TJP1: variants seen among roughly 807,000 people sequenced by gnomAD.
The protein encoded by TJP1 is tight junction protein 1.
In TJP1, 43 loss-of-function variants were observed where a neutral mutation model predicts 194.2. The observed-to-expected ratio is 0.22, with a 90% confidence interval of 0.17 to 0.29. The LOEUF is 0.29. Among genes scored for constraint, TJP1 ranks in the 10% least tolerant of loss-of-function variants. The pLI, the probability that TJP1 is intolerant of heterozygous loss-of-function variation, is 1.00. For synonymous variants in TJP1, 801 were observed against 779.0 expected (o/e 1.03, Z -0.47); for missense variants, 1,971 against 2,185.7 (o/e 0.90, Z 1.96).
At chr15:29,843,174 CTTTTTTCTTTTCTTTTT>C (rs958716586) in intron 2 of TJP1, among the ~76,000 whole-genome samples, 13 of 142,904 alleles carry the variant, frequency 9.1e-5, no homozygotes, top group Non-Finnish European at 7.6e-5. Context: ...TGTTTTTTTT[CTTTTTTCTTTTCTTTTT>C]TTTTTTCTTT....
At chr15:29,903,503 GGA>G (rs2053699841) in intron 2 of TJP1, among the ~76,000 whole-genome samples, 2 of 151,952 alleles carry the variant, frequency 1.3e-5, no homozygotes, top group African/African-American at 4.8e-5. Flanking sequence ...GGAGTGCAGT[GGA>G]GTGATCTCGG....
At chr15:29,798,635 AT>A (rs376901797) in intron 2 of TJP1, among the ~76,000 whole-genome samples, 12 of 152,314 alleles carry the variant, frequency 7.9e-5, no homozygotes, top group African/African-American at 2.9e-4. Context: ...TAAAACTTAA[AT>A]AATTACCATG....
At chr15:29,938,732 A>T (rs987929419) in intron 2 of TJP1, among the ~76,000 whole-genome samples, 32 of 152,248 alleles carry the variant, frequency 2.1e-4, no homozygotes, top group Admixed American at 8.5e-4. Context: ...TTTAAATTGG[A>T]AAGATTATCC....
At chr15:29,728,542 C>G (rs1436021239) in intron 15 of TJP1, 1 of 154,088 alleles carries the variant, frequency 6.5e-6, no homozygotes, top group Non-Finnish European at 1.4e-5. Context: ...GAAGGGGAAC[C>G]TGGGGGCAGG....
At chr15:29,775,611 C>G (rs1414221212) in intron 2 of TJP1, among the ~76,000 whole-genome samples, 1 of 151,714 alleles carries the variant, frequency 6.6e-6, no homozygotes. Context: ...CCCCATGGCT[C>G]AGAGGGGACT....
At chr15:29,926,995 C>T (rs907309392) in intron 2 of TJP1, among the ~76,000 whole-genome samples, 1 of 152,084 alleles carries the variant, frequency 6.6e-6, no homozygotes, top group Admixed American at 6.6e-5. Context: ...AGAAGTTCTA[C>T]AATGAGTACA....
At chr15:29,937,036 T>C (rs1390582590) in intron 2 of TJP1, among the ~76,000 whole-genome samples, 1 of 152,240 alleles carries the variant, frequency 6.6e-6, no homozygotes, top group Middle Eastern at 3.2e-3. Flanking sequence ...GGTGAAGTGT[T>C]ATAACCATAA....
chr15:29,808,328 G>T (rs45605535), intron 1 of TJP1, among the ~76,000 whole-genome samples: 1 of 152,156 alleles, frequency 6.6e-6, no homozygotes, highest in Non-Finnish European at 1.5e-5. Context: ...TTGGGACAGG[G>T]TTACCTTTGT....
At chr15:29,876,277 T>A (rs1456328185) in intron 2 of TJP1, among the ~76,000 whole-genome samples, 1 of 152,168 alleles carries the variant, frequency 6.6e-6, no homozygotes, top group Non-Finnish European at 1.5e-5. Context: ...CCCAGCACTT[T>A]GGGAGGCTGA....
Position 29,708,647 on chromosome 15 carries a change from T to C in TJP1, c.4762A>G (p.Ser1588Gly). ...TGGATAGAGAAAGTTTCAACTCCAC[T>C]GTCAAACTCAGGAGGCTGTGCCAAA... ...HSLAQPPEFD[S>G]GVETFSIHAE... is the part of the protein sequence containing the mutation. The change falls in exon 25 of 28, where the codon AGT (serine) becomes GGT (glycine). Residue 1588 changes from serine to glycine, a missense_variant. By Grantham distance (56) the Ser-to-Gly change is moderately conservative. Transcript: ENST00000614355. 1.2e-6 allele frequency: 2 copies of C among 1,614,224 alleles called. No homozygotes were observed. The highest frequency in any genetic ancestry group is 1.7e-6 in the Non-Finnish European group (2 of 1,180,034).
At chr15:29,786,705 T>G (rs1415627316) in intron 2 of TJP1, among the ~76,000 whole-genome samples, 1 of 152,190 alleles carries the variant, frequency 6.6e-6, no homozygotes, top group East Asian at 1.9e-4. Context: ...TCTCACTATG[T>G]TGCCTCCACT....
intron 2 of TJP1, among the ~76,000 whole-genome samples, chr15:29,941,730 T>C (rs1188851441): frequency 1.3e-5 from 2 of 152,178 alleles, no homozygotes; most frequent in African/African-American, 2.4e-5. Flanking sequence ...GCCTCCACCA[T>C]TGTACACGTA....
At chr15:29,873,024 T>C (rs762116192) in intron 2 of TJP1, among the ~76,000 whole-genome samples, 11 of 152,202 alleles carry the variant, frequency 7.2e-5, no homozygotes, top group African/African-American at 1.9e-4. Flanking sequence ...AAAGTCATTT[T>C]TGGATTCAAA....
intron 2 of TJP1, among the ~76,000 whole-genome samples, chr15:29,777,797 C>T (rs1038535792): frequency 1.3e-5 from 2 of 152,186 alleles, no homozygotes; most frequent in Non-Finnish European, 2.9e-5. Context: ...AAGTAACAAA[C>T]GCACAAGGTT....
chr15:29,917,682 A>G lies in TJP1; in HGVS notation c.306+38550T>C, dbSNP rs140654700. Among the ~76,000 whole-genome samples, 3 of 152,240 alleles carry G rather than the reference A, an allele frequency of 2.0e-5. No individual in the cohort carries two copies. In the East Asian group the frequency reaches 5.8e-4, roughly 29 times the overall value. ...GAGAACAGGGGAGTGAATGAATGCC[A>G]GCATATGCAACACTTGGATCCCCAG... On this transcript the variant is annotated intron_variant, in intron 2 of 28. Coordinates refer to the TJP1 transcript ENST00000356107.
At chr15:29,775,113 G>A (rs1348792446) in intron 2 of TJP1, among the ~76,000 whole-genome samples, 2 of 152,100 alleles carry the variant, frequency 1.3e-5, no homozygotes, top group Admixed American at 6.5e-5. Context: ...GTGTCTCCAC[G>A]CCATAGGGGC....
intron 2 of TJP1, among the ~76,000 whole-genome samples, chr15:29,917,955 C>T (rs889471075): frequency 3.3e-5 from 5 of 152,310 alleles, no homozygotes; most frequent in Admixed American, 2.6e-4. Flanking sequence ...TCTTCCCAAA[C>T]TGAAACTCTG....
At chr15:29,850,666 G>A (rs1231321635) in intron 2 of TJP1, among the ~76,000 whole-genome samples, 1 of 150,410 alleles carries the variant, frequency 6.6e-6, no homozygotes, top group Non-Finnish European at 1.5e-5. Flanking sequence ...ACCAACTTTT[G>A]TTATATAGCA....
At chr15:29,865,494 A>AC (rs1376314905) in intron 2 of TJP1, among the ~76,000 whole-genome samples, 5 of 152,122 alleles carry the variant, frequency 3.3e-5, no homozygotes, top group Non-Finnish European at 7.3e-5. Flanking sequence ...TATCTCTAAG[A>AC]CCCTAGGGGA....
Sources: allele counts gnomAD v4.1 joint callset (sites outside exome capture counted in the v4.1 genomes callset), GRCh38; gene constraint gnomAD v4.1.1; transcripts MANE v1.5; gene names NCBI Gene and HGNC (gene_info 2026-07-23, HGNC 2026-07-21).